Variants in TEX2 observed in about 807,000 individuals in gnomAD.
TEX2 encodes testis expressed 2, also known as testis-expressed protein 2.
TEX2 carries 53 observed loss-of-function variants against 106.9 expected under a neutral mutation model. The ratio of observed to expected loss-of-function variants is 0.50; its 90% CI spans 0.40 to 0.62. TEX2 has a LOEUF of 0.62. Among genes scored for constraint, TEX2 ranks in the 20% least tolerant of loss-of-function variants. TEX2 has a pLI of 0.00. For missense variants in TEX2, 1,207 were observed against 1,379.0 expected (o/e 0.88, Z 1.98); for synonymous variants, 523 against 534.8 (o/e 0.98, Z 0.30).
chr17:64,237,047 C>G (rs1323427949), intron 1 of TEX2, among the ~76,000 whole-genome samples: 2 of 152,174 alleles, frequency 1.3e-5, no homozygotes, highest in Non-Finnish European at 2.9e-5. Flanking sequence ...AATGCAAGAA[C>G]TAGGAAGTGA....
Position 64,153,998 on chromosome 17 carries a change from CTG to C in TEX2, c.2930+842_2930+843del, listed in dbSNP as rs2030489827. On this transcript the variant is annotated intron_variant, in intron 9 of 11. Transcript: ENST00000584379. The surrounding 1 kb of genome is among the most constrained non-coding windows in gnomAD (Gnocchi z 4.1). The stretch of plus-strand genomic sequence containing the variant: ...CGTGCTCACAGGCCAAGAAAATAAG[CTG>C]TTGTATCAGGTCACATGTACCATGA... Among the ~76,000 whole-genome samples the C allele has an allele frequency of 6.6e-6, 1 of 152,138 alleles. No individual in the cohort carries two copies. Among genetic ancestry groups the C allele is most frequent in the Admixed American group, 6.5e-5 (1 of 15,278 alleles).
chr17:64,238,290 C>G (rs1233085421), intron 1 of TEX2, among the ~76,000 whole-genome samples: 2 of 152,198 alleles, frequency 1.3e-5, no homozygotes, highest in Admixed American at 6.5e-5. Flanking sequence ...CACTGTGAGA[C>G]TCTGTCTCAA....
intron 7 of TEX2, among the ~76,000 whole-genome samples, chr17:64,166,077 C>T (rs1598128145): frequency 6.6e-6 from 1 of 152,220 alleles, no homozygotes; most frequent in South Asian, 2.1e-4. Flanking sequence ...TGCTGACACA[C>T]CTGTGGGCAC....
Position 64,213,363 on chromosome 17 carries a change from A to G in TEX2, c.855T>C (p.Ala285=), listed in dbSNP as rs782073310. ...GGCGTCGTTTAGTATCTTCAATTTT[A>G]GCCTCCATTTCGGGCACTTTAAAAA... ...RSFFKVPEME[A]KIEDTKRRLS... is the part of the protein sequence containing the mutation. Residue 285 remains alanine, a synonymous_variant, in exon 2 of 12, where the codon GCT becomes GCC. Coordinates refer to ENST00000584379, the MANE Select transcript of TEX2 (RefSeq NM_001288732.2). The surrounding 1 kb of genome is among the most constrained non-coding windows in gnomAD (Gnocchi z 4.4). The G allele has an allele frequency of 6.2e-7, 1 of 1,614,024 alleles. No homozygotes were observed. The highest frequency in any genetic ancestry group is 1.1e-5 in the South Asian group (1 of 91,090).
intron 7 of TEX2, among the ~76,000 whole-genome samples, chr17:64,165,624 C>G (rs774321152): frequency 1.1e-4 from 17 of 152,208 alleles, no homozygotes; most frequent in Non-Finnish European, 1.6e-4. Flanking sequence ...GTGGGCAAGT[C>G]ATGACTGACT....
chr17:64,151,924 T>C (rs1216702718), intron 10 of TEX2, among the ~76,000 whole-genome samples: 1 of 152,226 alleles, frequency 6.6e-6, no homozygotes, highest in Non-Finnish European at 1.5e-5. Context: ...TATCTATTTT[T>C]CACCTTTTCC....
intron 5 of TEX2, among the ~76,000 whole-genome samples, chr17:64,180,296 C>T (rs1181669227): frequency 6.6e-6 from 1 of 152,214 alleles, no homozygotes; most frequent in East Asian, 1.9e-4. Context: ...TAGTTACTCA[C>T]AGGAAACAGT....
intron 8 of TEX2, among the ~76,000 whole-genome samples, chr17:64,159,177 C>T (rs2030770619): frequency 6.6e-6 from 1 of 152,192 alleles, no homozygotes; most frequent in Non-Finnish European, 1.5e-5. Flanking sequence ...GCCTGGTTGC[C>T]ACCCCCGGTG....
At position 64,160,795 on chromosome 17, in the gene TEX2, C is replaced by G. The variant is rs2030848370; in HGVS notation, c.2804+6G>C. 1 of 1,613,710 alleles carries G rather than the reference C, an allele frequency of 6.2e-7. No homozygotes were observed. The highest frequency in any genetic ancestry group is 1.1e-5 in the South Asian group (1 of 91,028). On this transcript the variant is annotated splice_donor_region_variant and intron_variant, in intron 8 of 11. Transcript: ENST00000584379. Reference sequence around the variant, plus strand: ...TGGATTAGTAAATTCATATATAGCCCCTTACCCTTCTTTGCCAATTTCTCC... The same window carrying G: ...TGGATTAGTAAATTCATATATAGCCGCTTACCCTTCTTTGCCAATTTCTCC...
intron 5 of TEX2, among the ~76,000 whole-genome samples, chr17:64,183,929 T>C (rs1178156745): frequency 6.6e-6 from 1 of 151,964 alleles, no homozygotes; most frequent in Non-Finnish European, 1.5e-5. Context: ...CCACTGTGCC[T>C]GGCCACCATC....
rs2033290165 is a variant in TEX2, at chr17:64,219,509, A to AT, written c.-25-5268_-25-5267insA. 2.7e-3 allele frequency among the ~76,000 whole-genome samples: 38 copies of AT among 13,856 alleles called. 1 individual carries two copies. Among genetic ancestry groups the AT allele is most frequent in the African/African-American group, 3.5e-3 (37 of 10,478 alleles). 9.1% of individuals were successfully genotyped at this position (13,856 alleles called of 152,430 possible). On this transcript the variant is annotated intron_variant, in intron 1 of 11. Transcript: ENST00000584379. ...CAACAGAGTGAGACTCCATCTCATC[A>AT]AATAAAATAAAATAAAATAAAATAA...
At chr17:64,212,449 C>T in intron 2 of TEX2, 125 bp downstream of exon 2, 2 of 855,052 alleles carry the variant, frequency 2.3e-6, no homozygotes, top group Middle Eastern at 3.7e-4. Context: ...TGAAGTGGCC[C>T]CAAGCTCTTA....
At chr17:64,225,110 A>G (rs1000857030) in intron 1 of TEX2, among the ~76,000 whole-genome samples, 6 of 150,970 alleles carry the variant, frequency 4.0e-5, no homozygotes, top group Non-Finnish European at 8.9e-5. Flanking sequence ...TTTTTTTTTT[A>G]AAGCAGAAAA....
chr17:64,241,092 C>CT (rs1289022280), intron 1 of TEX2, among the ~76,000 whole-genome samples: 1 of 152,222 alleles, frequency 6.6e-6, no homozygotes. Flanking sequence ...CAGGGCCATG[C>CT]TGAAGCCAGC....
chr17:64,179,090 G>A lies in TEX2; in HGVS notation c.2425-1619C>T, dbSNP rs551339300. On this transcript the variant is annotated intron_variant, in intron 5 of 11. Coordinates refer to ENST00000584379, the MANE Select transcript of TEX2 (RefSeq NM_001288732.2). ...GTCTGCCAGTCTTGCTGAGAGGTGA[G>A]GCCAGCTAGACTTCCTGGGTGGAGT... Among the ~76,000 whole-genome samples, 28 of 152,320 alleles carry A rather than the reference G, an allele frequency of 1.8e-4. No homozygotes were observed. In the Middle Eastern group the frequency reaches 0.017, roughly 93 times the overall value.
chr17:64,178,321 CCA>C (rs1211046058), intron 5 of TEX2, among the ~76,000 whole-genome samples: 3 of 152,110 alleles, frequency 2.0e-5, no homozygotes, highest in Non-Finnish European at 4.4e-5. Flanking sequence ...ACAGCAGCAC[CCA>C]CAGACGGTGT....
chr17:64,200,498 G>A (rs2032623661), intron 2 of TEX2, among the ~76,000 whole-genome samples: 1 of 152,214 alleles, frequency 6.6e-6, no homozygotes, highest in Admixed American at 6.5e-5. Flanking sequence ...CTTGCTGGCT[G>A]CAGCCTGTGT....
chr17:64,193,803 G>C lies in TEX2; in HGVS notation c.1932C>G (p.Asp644Glu). The C allele has an allele frequency of 1.2e-6, 2 of 1,608,816 alleles. No individual in the cohort carries two copies. The highest frequency in any genetic ancestry group is 1.3e-5 in the African/African-American group (1 of 74,912). Residue 644 changes from aspartate (D) to glutamate (E), a missense_variant, in exon 4 of 12, where the codon GAC becomes GAG. Physicochemically the swap from Asp to Glu is conservative, Grantham distance 45. Transcript: ENST00000584379. ...TATCAGTCTGAGCTTTAGACATAAA[G>C]TCATCTTGCTGACCAAGCTCGATAC... ...PICIELGQQD[D>E]FMSKAQTDKE...
At chr17:64,197,166 T>C (rs1754343742) in intron 2 of TEX2, among the ~76,000 whole-genome samples, 1 of 151,986 alleles carries the variant, frequency 6.6e-6, no homozygotes, top group Non-Finnish European at 1.5e-5. Context: ...TTCCCTCTTC[T>C]CTATTTTCTG....
Sources: gnomAD v4.1 joint callset for allele counts (sites outside exome capture counted in the v4.1 genomes callset) on GRCh38, gnomAD v4.1.1 for gene constraint, Gnocchi (gnomAD v3.1) non-coding constraint, MANE v1.5 for transcripts, NCBI Gene and HGNC (gene_info 2026-07-23, HGNC 2026-07-21) for gene names.